RERE: variants seen among roughly 807,000 people sequenced by gnomAD.
RERE encodes arginine-glutamic acid dipeptide repeats protein.
RERE carries 40 observed loss-of-function variants against 146.1 expected under a neutral mutation model. That is an observed-to-expected ratio of 0.27 (90% confidence interval 0.21 to 0.36). The LOEUF is 0.36. Ranked by LOEUF, RERE falls within the 10% of genes least tolerant of loss-of-function variation. The pLI, the probability that RERE is intolerant of heterozygous loss-of-function variation, is 1.00. For synonymous variants in RERE, 1,003 were observed against 866.0 expected (o/e 1.16, Z -2.78); for missense variants, 1,933 against 2,138.7 (o/e 0.90, Z 1.90).
chr1:8,440,095 T>G (rs1644226131), intron 11 of RERE, among the ~76,000 whole-genome samples: 1 of 151,956 alleles, frequency 6.6e-6, no homozygotes, highest in Non-Finnish European at 1.5e-5. Flanking sequence ...AAACAAAATA[T>G]CTATGGTGCA....
chr1:8,394,641 G>A (rs1231481608), intron 12 of RERE, among the ~76,000 whole-genome samples: 1 of 152,190 alleles, frequency 6.6e-6, no homozygotes, highest in Non-Finnish European at 1.5e-5. Flanking sequence ...CTCAGTGCTG[G>A]AGAGGGGGAA....
intron 12 of RERE, among the ~76,000 whole-genome samples, chr1:8,387,668 T>C (rs999607549): frequency 1.1e-4 from 16 of 152,178 alleles, no homozygotes; most frequent in African/African-American, 3.9e-4. Flanking sequence ...GAAACACAAA[T>C]AGCCAATAAA....
At chr1:8,697,323 C>A (rs370046563) in intron 1 of RERE, among the ~76,000 whole-genome samples, 72 of 152,074 alleles carry the variant, frequency 4.7e-4, no homozygotes, top group African/African-American at 1.6e-3. Context: ...ATAGGTTTTT[C>A]TGTATAATTT....
At chr1:8,582,979 T>C (rs963642805) in intron 4 of RERE, among the ~76,000 whole-genome samples, 1 of 151,850 alleles carries the variant, frequency 6.6e-6, no homozygotes, top group Non-Finnish European at 1.5e-5. Context: ...TCAATGGGGG[T>C]TGGGGACAAA....
intron 4 of RERE, among the ~76,000 whole-genome samples, chr1:8,594,770 C>T (rs1029123963): frequency 1.3e-5 from 2 of 152,156 alleles, no homozygotes; most frequent in Admixed American, 6.5e-5. Flanking sequence ...CAATCAGATG[C>T]GCTCTGAACC....
chr1:8,436,297 C>T (rs1440255973), intron 11 of RERE, among the ~76,000 whole-genome samples: 2 of 152,092 alleles, frequency 1.3e-5, no homozygotes, highest in Non-Finnish European at 2.9e-5. Flanking sequence ...CCAACCTGGG[C>T]GACAGAGCGA....
chr1:8,439,064 C>CG (rs774764488), intron 11 of RERE, among the ~76,000 whole-genome samples: 88 of 152,296 alleles, frequency 5.8e-4, no homozygotes, highest in South Asian at 1.2e-3. Context: ...GCGCTGGCCA[C>CG]GGTTTGATTG....
chr1:8,408,836 C>T (rs774221490), intron 12 of RERE, among the ~76,000 whole-genome samples: 1 of 152,066 alleles, frequency 6.6e-6, no homozygotes, highest in Non-Finnish European at 1.5e-5. Context: ...GAGGTGGAGG[C>T]TGGGCTTGGG....
At chr1:8,699,709 T>C (rs1470873472) in intron 1 of RERE, among the ~76,000 whole-genome samples, 2 of 152,228 alleles carry the variant, frequency 1.3e-5, no homozygotes, top group African/African-American at 4.8e-5. Context: ...GAAAACATTT[T>C]CTATATAAGT....
intron 1 of RERE, among the ~76,000 whole-genome samples, chr1:8,808,147 CAAA>C (rs778069782): frequency 1.9e-5 from 1 of 53,164 alleles, no homozygotes; most frequent in Non-Finnish European, 4.0e-5. Flanking sequence ...GACCTTGTCT[CAAA>C]AAAAAAAAAA....
At chr1:8,748,142 C>T (rs1377108288) in intron 1 of RERE, among the ~76,000 whole-genome samples, 1 of 152,130 alleles carries the variant, frequency 6.6e-6, no homozygotes, top group East Asian at 1.9e-4. Flanking sequence ...AAGTTCAAGA[C>T]AATTCTGGGA....
Position 8,364,887 on chromosome 1 carries a change from C to A in RERE, c.1448-49G>T. The A allele has an allele frequency of 9.0e-7, 1 of 1,116,078 alleles. No individual in the cohort carries two copies. Among genetic ancestry groups the A allele is most frequent in the South Asian group, 1.3e-5 (1 of 76,254 alleles). The allele number at this position is 1,116,078 out of a possible 1,614,324, so 69.1% of individuals were successfully genotyped here. On this transcript the variant is annotated intron_variant, in intron 13 of 22. Transcript: ENST00000400908. This position sits in a 1 kb window ranked among gnomAD's most constrained non-coding sequence, Gnocchi z 5.1. ...GGGGTGGGGGAGACACCATCATGCT[C>A]AGCCAAGGCTGGGCCGGTGGGGTGG...
At chr1:8,694,958 G>C (rs1160732017) in intron 1 of RERE, among the ~76,000 whole-genome samples, 1 of 98,944 alleles carries the variant, frequency 1.0e-5, no homozygotes, top group African/African-American at 3.8e-5. Flanking sequence ...TACCCAAAGA[G>C]CCAAAGAAAT....
rs1409691158 is a variant in RERE, at chr1:8,359,538, G to GTCACTGC, written c.3618+219_3618+225dup. Reference sequence around the variant, plus strand: ...AGGCCCTCCGGTAGGAGGACGCACAGTCACTGCTGGGAGTCAGCCTAGACC... The same window carrying GTCACTGC: ...AGGCCCTCCGGTAGGAGGACGCACAGTCACTGCTCACTGCTGGGAGTCAGCCTAGACC... On this transcript the variant is annotated intron_variant, in intron 19 of 22. Transcript: ENST00000400908. Among the ~76,000 whole-genome samples, 3 of 152,352 alleles carry GTCACTGC rather than the reference G, an allele frequency of 2.0e-5. No individual in the cohort carries two copies. The East Asian group carries it at 5.8e-4, about 29-fold the overall frequency.
intron 8 of RERE, among the ~76,000 whole-genome samples, chr1:8,498,695 CAAAAA>C (rs1203388426): frequency 2.1e-5 from 2 of 96,888 alleles, no homozygotes; most frequent in South Asian, 3.6e-4. Flanking sequence ...GACTCCATCT[CAAAAA>C]AAAAAAAAAT....
chr1:8,498,490 G>T (rs959001570), intron 8 of RERE, among the ~76,000 whole-genome samples: 1 of 151,926 alleles, frequency 6.6e-6, no homozygotes, highest in East Asian at 1.9e-4. Context: ...GAGGTCAGGA[G>T]TTCAAAACCA....
chr1:8,680,196 T>C (rs1638932225), intron 1 of RERE, among the ~76,000 whole-genome samples: 1 of 152,178 alleles, frequency 6.6e-6, no homozygotes, highest in Non-Finnish European at 1.5e-5. Flanking sequence ...TCAGTGATTA[T>C]CATTCTGATT....
intron 10 of RERE, among the ~76,000 whole-genome samples, chr1:8,480,078 T>G (rs1276043657): frequency 6.6e-6 from 1 of 152,030 alleles, no homozygotes; most frequent in Admixed American, 6.6e-5. Context: ...TCAAACATGT[T>G]AATTACCAAA....
At chr1:8,751,777 TAAAAA>T (rs144355478) in intron 1 of RERE, among the ~76,000 whole-genome samples, 44,094 of 141,422 alleles carry the variant, frequency 0.31, 6,760 homozygotes, top group Non-Finnish European at 0.34. Flanking sequence ...CCTTTCACTT[TAAAAA>T]AAAAAAAAAA....
Sources: allele counts gnomAD v4.1 joint callset (sites outside exome capture counted in the v4.1 genomes callset), GRCh38; gene constraint gnomAD v4.1.1; non-coding constraint Gnocchi (gnomAD v3.1); transcripts MANE v1.5; gene names NCBI Gene and HGNC (gene_info 2026-07-23, HGNC 2026-07-21).